The following NEK10 variants were observed in gnomAD, a reference collection of about 807,000 sequenced individuals.
NEK10 encodes the protein serine/threonine-protein kinase Nek10.
Under a neutral mutation model 159.8 loss-of-function variants are expected in NEK10, and 122 were observed. The observed-to-expected ratio is 0.76, with a 90% CI of 0.66 to 0.89. The LOEUF (loss-of-function observed/expected upper bound fraction) is 0.89, where lower values mean the gene tolerates loss of function less well. Among genes scored for constraint, NEK10 ranks in the 40% least tolerant of loss-of-function variants. NEK10 has a pLI of 0.00. For synonymous variants in NEK10, 466 were observed against 457.1 expected, an observed-to-expected ratio of 1.02 and a Z score of -0.25; for missense variants, 1,342 against 1,323.1, an observed-to-expected ratio of 1.01 and a Z score of -0.22.
At chr3:27,149,957 T>C (rs1944669609) in intron 30 of NEK10, among the ~76,000 whole-genome samples, 2 of 152,124 alleles carry the variant, frequency 1.3e-5, no homozygotes, top group African/African-American at 4.8e-5. Context: ...ATAATAACAA[T>C]GACAGCCTTA....
At chr3:27,166,006 G>A (rs1946440426) in intron 29 of NEK10, among the ~76,000 whole-genome samples, 1 of 152,284 alleles carries the variant, frequency 6.6e-6, no homozygotes, top group South Asian at 2.1e-4. Context: ...ATTGTGAAAA[G>A]TATCAATGCT....
At chr3:27,216,413 C>G (rs1001810053) in intron 23 of NEK10, 2 of 152,310 alleles carry the variant, frequency 1.3e-5, no homozygotes, top group Non-Finnish European at 2.9e-5. Flanking sequence ...CTTTGGTGAT[C>G]TATTGAGAAA....
chr3:27,352,025 T>G (rs1291797814), intron 3 of NEK10, among the ~76,000 whole-genome samples: 1 of 151,958 alleles, frequency 6.6e-6, no homozygotes, highest in Non-Finnish European at 1.5e-5. Context: ...TTTGGTGAGG[T>G]ACATTGTGCA....
intron 4 of NEK10, 111 bp from the exon 5 acceptor site, chr3:27,344,481 C>T (rs1345291405): frequency 1.7e-6 from 1 of 575,136 alleles, no homozygotes; most frequent in African/African-American, 1.9e-5. Context: ...TTATTACTAA[C>T]CACTATACTA....
intron 26 of NEK10, among the ~76,000 whole-genome samples, chr3:27,181,740 C>A (rs1384832230): frequency 6.6e-6 from 1 of 152,078 alleles, no homozygotes; most frequent in African/African-American, 2.4e-5. Context: ...TGTCTTCTCT[C>A]ACTATGAAGG....
intron 23 of NEK10, among the ~76,000 whole-genome samples, chr3:27,204,356 T>C (rs1386783292): frequency 1.6e-5 from 2 of 127,522 alleles, no homozygotes; most frequent in East Asian, 4.4e-4. Context: ...ATGTGCACAT[T>C]GTGCAGGTTA....
chr3:27,268,325 CT>C (rs1296041693), intron 22 of NEK10, among the ~76,000 whole-genome samples: 7 of 152,310 alleles, frequency 4.6e-5, no homozygotes, highest in Admixed American at 4.6e-4. Context: ...ACAAAATTCC[CT>C]TCTACTGAAA....
intron 26 of NEK10, among the ~76,000 whole-genome samples, chr3:27,189,896 G>A (rs1381738504): frequency 6.6e-6 from 1 of 152,120 alleles, no homozygotes; most frequent in Non-Finnish European, 1.5e-5. Context: ...ATAAAAACCT[G>A]AATGCTCAAT....
At chr3:27,251,782 C>A (rs1207493937) in intron 23 of NEK10, among the ~76,000 whole-genome samples, 1 of 152,202 alleles carries the variant, frequency 6.6e-6, no homozygotes, top group East Asian at 1.9e-4. Context: ...AATATATAAT[C>A]TTTACACATT....
intron 26 of NEK10, among the ~76,000 whole-genome samples, chr3:27,179,556 C>T (rs942434378): frequency 7.2e-5 from 11 of 152,094 alleles, no homozygotes; most frequent in Admixed American, 7.2e-4. Context: ...AACTCAAATA[C>T]AGGTTTTCTA....
chr3:27,231,632 A>C (rs1355431846), intron 23 of NEK10, among the ~76,000 whole-genome samples: 1 of 152,044 alleles, frequency 6.6e-6, no homozygotes, highest in Non-Finnish European at 1.5e-5. Context: ...AGAAGATCCA[A>C]ATAAGCTCAA....
At chr3:27,199,051 C>T (rs76603201) in intron 25 of NEK10, among the ~76,000 whole-genome samples, 5,089 of 134,944 alleles carry the variant, frequency 0.038, 112 homozygotes, top group African/African-American at 0.057. Flanking sequence ...CCAGCCTGGG[C>T]GACAGAGCAA....
Position 27,111,304 on chromosome 3 carries a change from A to C in NEK10, c.3316T>G (p.Trp1106Gly). Residue 1106 changes from tryptophan (W) to glycine (G), a missense_variant, in exon 36 of 36, where the codon TGG becomes GGG. Transcript: ENST00000691995. ...TTGGTTGGGTGATTCTTGGTCCCCC[A>C]TGGATAGGAATGATACCTATAAGAT... ...FTSNRYHSYP[W>G]GTKNHPTKR is the part of the protein sequence containing the mutation. 6.2e-7 allele frequency: 1 copy of C among 1,607,646 alleles called. No individual in the cohort carries two copies. The highest frequency in any genetic ancestry group is 1.3e-5 in the African/African-American group (1 of 74,646).
intron 23 of NEK10, 102 bp from the exon 24 acceptor site, chr3:27,202,659 A>G: frequency 7.4e-7 from 1 of 1,352,426 alleles, no homozygotes; most frequent in Non-Finnish European, 9.7e-7. Context: ...AAGTATCTGA[A>G]ATGTTTAACT....
rs147293311 is a variant in NEK10 at position 27,187,240 on chromosome 3, T to C, written c.2505+4789A>G. Reference sequence around the variant, plus strand: ...AGCCCCTGCCCCTCTCTCATCGACATGGGGATGCTTAAGCTTTCTCCTGTA... The same window carrying C: ...AGCCCCTGCCCCTCTCTCATCGACACGGGGATGCTTAAGCTTTCTCCTGTA... On this transcript the variant is annotated intron_variant, in intron 26 of 35. Coordinates refer to ENST00000691995, the MANE Select transcript of NEK10 (RefSeq NM_001394966.1). Among the ~76,000 whole-genome samples the C allele has an allele frequency of 1.5e-3, 234 of 152,226 alleles. 1 individual carries two copies. The highest frequency in any genetic ancestry group is 5.4e-3 in the African/African-American group (224 of 41,544).
At chr3:27,272,287 C>G (rs1052263966) in intron 22 of NEK10, among the ~76,000 whole-genome samples, 2 of 152,188 alleles carry the variant, frequency 1.3e-5, no homozygotes, top group South Asian at 2.1e-4. Flanking sequence ...CTGGGCTCAT[C>G]ATTCAGTCAT....
intron 13 of NEK10, 33 bp downstream of exon 13, chr3:27,301,663 A>G (rs1165123235): frequency 7.0e-7 from 1 of 1,426,604 alleles, no homozygotes; most frequent in Non-Finnish European, 9.7e-7. Context: ...AACACAATAA[A>G]TTATAGCATA....
chr3:27,272,374 T>C (rs1044830836), intron 22 of NEK10, among the ~76,000 whole-genome samples: 1 of 152,220 alleles, frequency 6.6e-6, no homozygotes, highest in Non-Finnish European at 1.5e-5. Context: ...TTTTCTCACT[T>C]GCTGCTATAT....
intron 31 of NEK10, among the ~76,000 whole-genome samples, chr3:27,136,389 G>A (rs1943219683): frequency 6.6e-6 from 1 of 152,020 alleles, no homozygotes; most frequent in South Asian, 2.1e-4. Context: ...TGGGATTACA[G>A]GCGTGAGCCA....
Sources: gnomAD v4.1 joint callset for allele counts (sites outside exome capture counted in the v4.1 genomes callset) on GRCh38, gnomAD v4.1.1 for gene constraint, MANE v1.5 for transcripts, NCBI Gene and HGNC (gene_info 2026-07-23, HGNC 2026-07-21) for gene names.